KIAA1958: variants seen among roughly 807,000 people sequenced by gnomAD.
KIAA1958 encodes the protein uncharacterized protein KIAA1958.
A neutral mutation model predicts 47.2 loss-of-function variants in KIAA1958; 14 were observed. The observed-to-expected ratio is 0.30, with a 90% confidence interval of 0.20 to 0.46. The LOEUF (loss-of-function observed/expected upper bound fraction) is 0.46, where lower values mean the gene tolerates loss of function less well. KIAA1958 is among the 20% of genes least tolerant of loss of function. The pLI, the probability that KIAA1958 is intolerant of heterozygous loss-of-function variation, is 1.00. For synonymous variants in KIAA1958, 354 were observed against 353.3 expected, an observed-to-expected ratio of 1.00 and a Z score of -0.02; for missense variants, 803 against 909.2, an observed-to-expected ratio of 0.88 and a Z score of 1.50.
chr9:112,650,604 A>T (rs1837041548), intron 3 of KIAA1958, among the ~76,000 whole-genome samples: 1 of 148,164 alleles, frequency 6.7e-6, no homozygotes, highest in South Asian at 2.1e-4. Context: ...GTGGAACTGT[A>T]AAAAAAAAAA....
chr9:112,616,780 A>T (rs1836413926), intron 2 of KIAA1958, among the ~76,000 whole-genome samples: 1 of 151,944 alleles, frequency 6.6e-6, no homozygotes, highest in Admixed American at 6.6e-5. Context: ...ATTACATTTT[A>T]CTGAAATGAA....
chr9:112,582,119 G>A (rs929800527), intron 2 of KIAA1958: 1 of 159,774 alleles, frequency 6.3e-6, no homozygotes, highest in African/African-American at 2.4e-5. Context: ...GGAAAGGCGT[G>A]ACAGTCACAC....
intron 1 of KIAA1958, among the ~76,000 whole-genome samples, chr9:112,525,971 T>C (rs7025450): frequency 0.46 from 2,920 of 6,342 alleles, 908 homozygotes; most frequent in Middle Eastern, 0.68. Flanking sequence ...TTCTTCTTCT[T>C]CTTCTTCTTC....
chr9:112,632,099 T>TA (rs1333264346), intron 2 of KIAA1958, among the ~76,000 whole-genome samples: 1 of 152,154 alleles, frequency 6.6e-6, no homozygotes, highest in Non-Finnish European at 1.5e-5. Context: ...GCAAATATAA[T>TA]ATGTTCATGT....
intron 1 of KIAA1958, among the ~76,000 whole-genome samples, chr9:112,500,767 G>A (rs1206966918): frequency 6.6e-6 from 1 of 152,054 alleles, no homozygotes; most frequent in African/African-American, 2.4e-5. Context: ...TAATATTTTT[G>A]AGAAAAACGA....
chr9:112,565,871 A>G (rs1835419401), intron 1 of KIAA1958, among the ~76,000 whole-genome samples: 1 of 152,238 alleles, frequency 6.6e-6, no homozygotes, highest in South Asian at 2.1e-4. Context: ...GAATATAATA[A>G]AAGCAACTTA....
chr9:112,537,100 CTCTTT>C (rs1250900698), intron 1 of KIAA1958, among the ~76,000 whole-genome samples: 1 of 143,874 alleles, frequency 7.0e-6, no homozygotes, highest in Admixed American at 6.9e-5. Context: ...CTCCTCTCTT[CTCTTT>C]TCTTTTCTTT....
At chr9:112,645,562 G>GT in intron 2 of KIAA1958, 88 bp from the exon 3 acceptor site, 1 of 863,794 alleles carries the variant, frequency 1.2e-6, no homozygotes. Context: ...GTCTTTTAGA[G>GT]TTTTCTGTTA....
At position 112,658,915 on chromosome 9, in the gene KIAA1958, A is replaced by G. The variant is rs13284296; in HGVS notation, c.1345-348A>G. 4.6e-3 allele frequency among the ~76,000 whole-genome samples: 696 copies of G among 150,700 alleles called. 6 individuals are homozygous for G. The highest frequency in any genetic ancestry group is 0.024 in the Middle Eastern group (7 of 292). On this transcript the variant is annotated intron_variant, in intron 3 of 3. Transcript: ENST00000337530. ...GGAGCCTATAGTCCCAGCTACTCGGAAGGCTGAGGCAGGAGAATGGCGTGA... is the reference window on the plus strand; with the variant it reads ...GGAGCCTATAGTCCCAGCTACTCGGGAGGCTGAGGCAGGAGAATGGCGTGA...
chr9:112,559,870 G>A (rs1835297860), intron 1 of KIAA1958, among the ~76,000 whole-genome samples: 1 of 152,148 alleles, frequency 6.6e-6, no homozygotes, highest in South Asian at 2.1e-4. Context: ...ACTTTAAAAT[G>A]TGATGGAATA....
At chr9:112,650,060 GA>G (rs202144418) in intron 3 of KIAA1958, among the ~76,000 whole-genome samples, 2,480 of 151,144 alleles carry the variant, frequency 0.016, 76 homozygotes, top group African/African-American at 0.056. Flanking sequence ...CAGAAAAAAA[GA>G]AAAAAAACTC....
At chr9:112,523,366 G>T (rs1057235654) in intron 1 of KIAA1958, among the ~76,000 whole-genome samples, 7 of 152,176 alleles carry the variant, frequency 4.6e-5, no homozygotes, top group African/African-American at 1.7e-4. Flanking sequence ...TGAAAGGATT[G>T]CTTGAACCTG....
At chr9:112,614,900 C>T (rs1564191017) in intron 2 of KIAA1958, among the ~76,000 whole-genome samples, 2 of 152,164 alleles carry the variant, frequency 1.3e-5, no homozygotes, top group African/African-American at 4.8e-5. Flanking sequence ...AACATCCACA[C>T]CAGCATTCTG....
intron 1 of KIAA1958, among the ~76,000 whole-genome samples, chr9:112,499,915 C>G (rs1834106283): frequency 1.3e-5 from 2 of 151,782 alleles, no homozygotes; most frequent in African/African-American, 4.8e-5. Context: ...GTCTCTATCT[C>G]CTGACCTCGT....
intron 2 of KIAA1958, among the ~76,000 whole-genome samples, chr9:112,611,051 G>A (rs913502797): frequency 6.6e-6 from 1 of 152,092 alleles, no homozygotes; most frequent in Non-Finnish European, 1.5e-5. Context: ...ATTAAAATAT[G>A]AATAGGAAAT....
intron 3 of KIAA1958, among the ~76,000 whole-genome samples, chr9:112,658,693 C>T (rs1246677426): frequency 3.3e-5 from 5 of 152,112 alleles, no homozygotes; most frequent in South Asian, 4.1e-4. Flanking sequence ...GGCGTGGTGG[C>T]TGACGCCTGT....
rs1837359560 is a variant in KIAA1958, at chr9:112,667,013, A to G, written c.*6944A>G. ...TTAGGTGAAGGTAGAAACAATAAAT[A>G]CCTGAGTAGCAGAACACGCAAATAT... On this transcript the variant is annotated 3_prime_UTR_variant, in exon 4 of 4. Transcript: ENST00000337530. 6.6e-6 allele frequency: 1 copy of G among 152,200 alleles called. No homozygotes were observed. The highest frequency in any genetic ancestry group is 1.5e-5 in the Non-Finnish European group (1 of 68,028). 9.4% of individuals were successfully genotyped at this position (152,200 alleles called of 1,614,324 possible).
At chr9:112,509,086 G>T (rs72762277) in intron 1 of KIAA1958, among the ~76,000 whole-genome samples, 51 of 54,948 alleles carry the variant, frequency 9.3e-4, no homozygotes, top group Non-Finnish European at 1.8e-3. Context: ...TACATTTAAT[G>T]TTTTTTTTTT....
chr9:112,660,158 C>G lies in KIAA1958; in HGVS notation c.*89C>G, dbSNP rs1000301058. 1.4e-5 allele frequency: 15 copies of G among 1,100,104 alleles called. No homozygotes were observed. The African/African-American group carries it at 2.3e-4, about 17-fold the overall frequency. The allele number at this position is 1,100,104 out of a possible 1,614,324, so 68.1% of individuals were successfully genotyped here. A position where few individuals can be genotyped will look rare whatever the true frequency, so the allele number is the denominator to read the frequency against. ...GGAGCTCCTTGGAGGCAGGGGCTGA[C>G]CAGGTGTGACCTCCCGGTCTGGCGG... is the stretch of plus-strand genomic sequence containing the variant. On this transcript the variant is annotated 3_prime_UTR_variant, in exon 4 of 4. Coordinates refer to ENST00000337530, the MANE Select transcript of KIAA1958 (RefSeq NM_133465.4).
Sources: gnomAD v4.1 joint callset for allele counts (sites outside exome capture counted in the v4.1 genomes callset) on GRCh38, gnomAD v4.1.1 for gene constraint, MANE v1.5 for transcripts, NCBI Gene and HGNC (gene_info 2026-07-23, HGNC 2026-07-21) for gene names.